The following FRMPD4 variants were observed in gnomAD, a reference collection of about 807,000 sequenced individuals.
The protein encoded by FRMPD4 is FERM and PDZ domain-containing protein 4.
A neutral mutation model predicts 94.1 loss-of-function variants in FRMPD4; 22 were observed. That is an observed-to-expected ratio of 0.23 (90% CI 0.17 to 0.33). The LOEUF is 0.33. Ranked by LOEUF, FRMPD4 falls within the 10% of genes least tolerant of loss-of-function variation. FRMPD4 has a pLI of 1.00. For synonymous variants in FRMPD4, 631 were observed against 548.6 expected (o/e 1.15, Z -2.10); for missense variants, 1,111 against 1,339.9 (o/e 0.83, Z 2.67).
intron 3 of FRMPD4, among the ~76,000 whole-genome samples, chrX:11,967,756 GTTTTTTTTTTTT>G (rs11431796): frequency 1.5e-5 from 1 of 65,569 alleles, no homozygotes; most frequent in Non-Finnish European, 2.8e-5. Context: ...GTGTGTGTGT[GTTTTTTTTTTTT>G]TTTTTTTTTT....
chrX:12,556,102 G>A (rs2058592817), intron 2 of FRMPD4, among the ~76,000 whole-genome samples: 1 of 110,271 alleles, frequency 9.1e-6, no homozygotes, highest in South Asian at 4.1e-4. Context: ...TTTGATTAGT[G>A]TGGTGGGTAG....
intron 3 of FRMPD4, among the ~76,000 whole-genome samples, chrX:12,065,361 C>T (rs1327775950): frequency 8.9e-6 from 1 of 112,071 alleles, no homozygotes; most frequent in Non-Finnish European, 1.9e-5. Context: ...GTGTTTCCAG[C>T]CAACGCCAAA....
chrX:12,057,315 G>T (rs998396978), intron 3 of FRMPD4, among the ~76,000 whole-genome samples: 26 of 111,187 alleles, frequency 2.3e-4, no homozygotes, highest in Non-Finnish European at 3.6e-4. Context: ...TAAATATTTA[G>T]ATCATGAATT....
intron 15 of FRMPD4, 78 bp downstream of exon 15, chrX:12,717,211 T>C: frequency 1.7e-6 from 1 of 605,635 alleles, no homozygotes; most frequent in Non-Finnish European, 2.5e-6. Context: ...CCTGGAGTCC[T>C]GTTACGTGGT....
intron 1 of FRMPD4, among the ~76,000 whole-genome samples, chrX:12,379,220 ACT>A (rs978858475): frequency 4.5e-5 from 5 of 111,975 alleles, no homozygotes; most frequent in African/African-American, 9.7e-5. Context: ...TTAAATCAAG[ACT>A]CTCTGAAGCA....
chrX:12,230,232 C>T (rs1375315136), intron 1 of FRMPD4, among the ~76,000 whole-genome samples: 1 of 111,515 alleles, frequency 9.0e-6, no homozygotes, highest in Non-Finnish European at 1.9e-5. Context: ...TGAGGAGTGG[C>T]GCATAGGGGA....
At chrX:12,499,234 G>T (rs946343907) in intron 2 of FRMPD4, among the ~76,000 whole-genome samples, 1 of 111,937 alleles carries the variant, frequency 8.9e-6, no homozygotes, top group African/African-American at 3.2e-5. Context: ...TTAAAAATCA[G>T]CTAAAAGGAT....
chrX:12,548,671 T>C (rs765713691), intron 2 of FRMPD4, among the ~76,000 whole-genome samples: 1 of 112,143 alleles, frequency 8.9e-6, no homozygotes, highest in Non-Finnish European at 1.9e-5. Flanking sequence ...ACTGATTAAA[T>C]GAGAATATTC....
At chrX:12,476,119 T>C (rs1336319775) in intron 1 of FRMPD4, among the ~76,000 whole-genome samples, 2 of 111,195 alleles carry the variant, frequency 1.8e-5, no homozygotes, top group Admixed American at 9.5e-5. Flanking sequence ...AACAGAGATA[T>C]AGATCAATGG....
At chrX:12,406,981 C>T (rs1208725463) in intron 1 of FRMPD4, among the ~76,000 whole-genome samples, 1 of 111,065 alleles carries the variant, frequency 9.0e-6, no homozygotes, top group East Asian at 2.9e-4. Context: ...CATTTTCTCA[C>T]CTTTTCCAGC....
chrX:12,441,516 C>T (rs1159974366), intron 1 of FRMPD4, among the ~76,000 whole-genome samples: 2 of 111,624 alleles, frequency 1.8e-5, no homozygotes, highest in East Asian at 5.6e-4. Flanking sequence ...CACTCACTCC[C>T]CCTCATTCCT....
intron 1 of FRMPD4, among the ~76,000 whole-genome samples, chrX:12,344,447 C>A (rs1039220753): frequency 7.2e-5 from 8 of 111,414 alleles, no homozygotes; most frequent in Non-Finnish European, 1.3e-4. Context: ...TTTTTAAAAT[C>A]TTTTGATATT....
intron 1 of FRMPD4, among the ~76,000 whole-genome samples, chrX:12,183,483 GA>G (rs1464432575): frequency 3.6e-5 from 4 of 111,431 alleles, no homozygotes; most frequent in African/African-American, 1.3e-4. Flanking sequence ...GTCCTCACTA[GA>G]AAAAAGAAGT....
intron 3 of FRMPD4, among the ~76,000 whole-genome samples, chrX:12,027,161 A>G (rs1467357748): frequency 8.9e-6 from 1 of 112,222 alleles, no homozygotes; most frequent in African/African-American, 3.2e-5. Flanking sequence ...TTTGACTTAT[A>G]TCTGTTCAAC....
intron 5 of FRMPD4, among the ~76,000 whole-genome samples, chrX:12,677,734 C>A (rs1450007138): frequency 8.9e-6 from 1 of 111,878 alleles, no homozygotes; most frequent in Non-Finnish European, 1.9e-5. Flanking sequence ...CGGCCACATT[C>A]CACATGTGCC....
chrX:12,228,824 T>A (rs1362383178), intron 1 of FRMPD4, among the ~76,000 whole-genome samples: 1 of 112,212 alleles, frequency 8.9e-6, no homozygotes, highest in Non-Finnish European at 1.9e-5. Context: ...GATAAGAATG[T>A]CTTTTTCTTG....
At chrX:12,407,524 G>A (rs982456952) in intron 1 of FRMPD4, among the ~76,000 whole-genome samples, 20 of 111,721 alleles carry the variant, frequency 1.8e-4, no homozygotes, top group African/African-American at 6.5e-4. Flanking sequence ...ACTGTTGAGG[G>A]CTATAAATGA....
intron 3 of FRMPD4, among the ~76,000 whole-genome samples, chrX:12,113,892 C>T (rs1363430788): frequency 9.0e-6 from 1 of 111,481 alleles, no homozygotes; most frequent in East Asian, 2.8e-4. Flanking sequence ...GCAATTTAAA[C>T]ATTACGATGA....
chrX:11,833,339 A>C (rs754600760), intron 1 of FRMPD4, among the ~76,000 whole-genome samples: 1 of 112,307 alleles, frequency 8.9e-6, no homozygotes, highest in Admixed American at 9.4e-5. Flanking sequence ...ATAAGTTTTC[A>C]ATTCATCTAG....
Sources: gnomAD v4.1 joint callset for allele counts (sites outside exome capture counted in the v4.1 genomes callset) on GRCh38, gnomAD v4.1.1 for gene constraint, MANE v1.5 for transcripts, NCBI Gene and HGNC (gene_info 2026-07-23, HGNC 2026-07-21) for gene names.